The following TNRC6C variants were observed in gnomAD, a reference collection of about 807,000 sequenced individuals.
The protein encoded by TNRC6C is trinucleotide repeat-containing gene 6C protein.
TNRC6C carries 20 observed loss-of-function variants against 153.7 expected under a neutral mutation model. The ratio of observed to expected loss-of-function variants is 0.13; its 90% CI spans 0.09 to 0.19. The LOEUF (loss-of-function observed/expected upper bound fraction) is 0.19. TNRC6C is among the 10% of genes least tolerant of loss of function. TNRC6C has a pLI of 1.00. For synonymous variants in TNRC6C, 811 were observed against 841.4 expected (o/e 0.96, Z 0.63); for missense variants, 1,987 against 2,172.0 (o/e 0.91, Z 1.69).
exon 20 of TNRC6C, chr17:78,107,392 G>A (rs909554326): frequency 4.6e-5 from 7 of 152,236 alleles, no homozygotes; most frequent in African/African-American, 9.6e-5. Context: ...AACATGCATC[G>A]AAAGTTGCTT....
At chr17:78,051,147 G>C in exon 3 of TNRC6C, 3 of 1,575,180 alleles carry the variant, frequency 1.9e-6, no homozygotes, top group Non-Finnish European at 2.6e-6. Context: ...GGATCGGGGG[G>C]CCGGTACCGG....
At chr17:78,010,805 CA>C (rs66652880) in intron 1 of TNRC6C, among the ~76,000 whole-genome samples, 2,327 of 150,876 alleles carry the variant, frequency 0.015, 71 homozygotes, top group African/African-American at 0.054. Context: ...TCCATGGAAA[CA>C]AAAAAAATAT....
chr17:78,082,587 A>T (rs142318484), intron 10 of TNRC6C, among the ~76,000 whole-genome samples: 38 of 152,340 alleles, frequency 2.5e-4, no homozygotes, highest in African/African-American at 8.9e-4. Flanking sequence ...GTATGCCTTA[A>T]CCCTAAAGAG....
chr17:78,062,225 A>C (rs2072783431), intron 3 of TNRC6C, among the ~76,000 whole-genome samples: 1 of 152,172 alleles, frequency 6.6e-6, no homozygotes, highest in Admixed American at 6.5e-5. Context: ...ACTGGTTAGG[A>C]CTAACTCCCC....
chr17:78,022,278 T>G (rs76043408), intron 1 of TNRC6C, among the ~76,000 whole-genome samples: 1 of 152,332 alleles, frequency 6.6e-6, no homozygotes, highest in African/African-American at 2.4e-5. Flanking sequence ...GAGTCTGTCT[T>G]AGATATAAGA....
chr17:78,080,688 C>T (rs2073164544), intron 10 of TNRC6C, among the ~76,000 whole-genome samples: 1 of 152,102 alleles, frequency 6.6e-6, no homozygotes, highest in African/African-American at 2.4e-5. Context: ...TAACTCAGGG[C>T]TCTAGTTGAT....
chr17:78,080,969 A>G (rs559476500), intron 10 of TNRC6C, among the ~76,000 whole-genome samples: 1 of 152,284 alleles, frequency 6.6e-6, no homozygotes, highest in African/African-American at 2.4e-5. Context: ...GTCTTAGTCC[A>G]TTTGGGCTGC....
At chr17:78,001,357 C>T (rs954736436), upstream of TNRC6C, among the ~76,000 whole-genome samples, 54 of 152,292 alleles carry the variant, frequency 3.5e-4, no homozygotes, top group Admixed American at 9.8e-4. Context: ...ACCTAGTTGC[C>T]GTTGCTACTG....
At position 78,103,858 on chromosome 17, in the gene TNRC6C, G is replaced by A. The variant is rs529571155; in HGVS notation, c.4712+305G>A. 2.6e-5 allele frequency among the ~76,000 whole-genome samples: 4 copies of A among 152,326 alleles called. No individual in the cohort carries two copies. In the South Asian group the frequency reaches 8.3e-4, roughly 32 times the overall value. ...TAAGGACACCAGTCCTGTTGGACTA[G>A]GGCCTACCCATGTGACCTCATCTAA... On this transcript the variant is annotated intron_variant, in intron 19 of 19. Transcript: ENST00000301624.
intron 1 of TNRC6C, among the ~76,000 whole-genome samples, chr17:77,995,731 C>A (rs1567905835): frequency 1.3e-5 from 2 of 152,198 alleles, no homozygotes; most frequent in Non-Finnish European, 2.9e-5. Context: ...TACACACACA[C>A]ACACACACGT....
chr17:78,093,187 G>T, intron 15 of TNRC6C, 63 bp downstream of exon 17: 1 of 1,534,120 alleles, frequency 6.5e-7, no homozygotes. Context: ...AGCCTGCAGA[G>T]AGTGATTAGG....
At chr17:77,993,029 G>A (rs143953348) in intron 1 of TNRC6C, among the ~76,000 whole-genome samples, 185 of 152,098 alleles carry the variant, frequency 1.2e-3, no homozygotes, top group African/African-American at 4.4e-3. Flanking sequence ...GCAGTGGCAC[G>A]AACTTGGCTC....
chr17:78,079,473 C>A lies in TNRC6C; in HGVS notation c.3289C>A (p.Pro1097Thr), dbSNP rs1056702116. ...GACCATGCAGCAGCCGCCACAGCCA[C>A]CAGTGCAGCCTCTTAACTCTTCCCA... The change falls in exon 10 of 20, where the codon CCA becomes ACA. Residue 1097 changes from proline (P) to threonine (T), a missense_variant. Around this residue, in one of 4 missense-constraint regions of TNRC6C, gnomAD observed 765 missense variants for 908.6 expected, o/e 0.84. Transcript: ENST00000301624. This position sits in a 1 kb window ranked among gnomAD's most constrained non-coding sequence, Gnocchi z 4.3. 6.2e-7 allele frequency: 1 copy of A among 1,613,924 alleles called. No homozygotes were observed. The highest frequency in any genetic ancestry group is 2.2e-5 in the East Asian group (1 of 44,868).
At position 78,075,172 on chromosome 17, in the gene TNRC6C, G is replaced by T; in HGVS notation, c.2954G>T (p.Arg985Leu). The stretch of plus-strand genomic sequence containing the variant: ...GAAAAGAAGGTGGACGTGGACAAGC[G>T]TGGGCTGGGAGTGACCGACCATAAT... The change falls in exon 8 of 20, where the codon CGT becomes CTT. Residue 985 changes from arginine (R) to leucine (L), a missense_variant. Physicochemically the swap from Arg to Leu is moderately radical, Grantham distance 102. Coordinates refer to ENST00000301624, the Ensembl canonical transcript of TNRC6C. The surrounding 1 kb of genome is among the most constrained non-coding windows in gnomAD (Gnocchi z 4.2). 6.2e-7 allele frequency: 1 copy of T among 1,612,922 alleles called. No individual in the cohort carries two copies. Among genetic ancestry groups the T allele is most frequent in the Non-Finnish European group, 8.5e-7 (1 of 1,179,430 alleles).
In TNRC6C at chr17:78,072,895, C is replaced by T. The variant is rs919895095; in HGVS notation, c.2860-142C>T. ...GTATTTTTAATTCAAAAGACATTGT[C>T]TCTAACCTCAACAGTGAAGAAATGT... On this transcript the variant is annotated intron_variant, in intron 6 of 19. Coordinates refer to ENST00000301624, the Ensembl canonical transcript of TNRC6C. 10 of 570,758 alleles carry T rather than the reference C, an allele frequency of 1.8e-5. No homozygotes were observed. In the East Asian group the frequency reaches 2.7e-4, roughly 15 times the overall value. The allele number at this position is 570,758 out of a possible 1,614,324, so 35.4% of individuals were successfully genotyped here. A position where few individuals can be genotyped will look rare whatever the true frequency, so the allele number is the denominator to read the frequency against.
chr17:77,969,597 T>A (rs1377136612), intron 1 of TNRC6C, among the ~76,000 whole-genome samples: 1 of 152,098 alleles, frequency 6.6e-6, no homozygotes, highest in African/African-American at 2.4e-5. Flanking sequence ...ACCTCAAATT[T>A]GATCTGTGGC....
chr17:77,968,918 T>C (rs2070919859), intron 1 of TNRC6C, among the ~76,000 whole-genome samples: 1 of 152,088 alleles, frequency 6.6e-6, no homozygotes, highest in Non-Finnish European at 1.5e-5. Context: ...CACTTGAGAG[T>C]TGGGAGTAGA....
intron 1 of TNRC6C, among the ~76,000 whole-genome samples, chr17:78,029,309 AC>A (rs2072011464): frequency 6.6e-6 from 1 of 152,242 alleles, no homozygotes; most frequent in African/African-American, 2.4e-5. Flanking sequence ...CCCAGATGGT[AC>A]AGGTTGCTAC....
intron 17 of TNRC6C, 78 bp downstream of exon 20, chr17:78,098,615 C>T (rs2144625423): frequency 2.1e-6 from 3 of 1,462,926 alleles, no homozygotes; most frequent in African/African-American, 2.8e-5. Flanking sequence ...CCTGTACCTC[C>T]TTTGTAAGGA....
Sources: gnomAD v4.1 joint callset for allele counts (sites outside exome capture counted in the v4.1 genomes callset) on GRCh38, gnomAD v4.1.1 for gene constraint, gnomAD v4.1.1 regional missense constraint, Gnocchi (gnomAD v3.1) non-coding constraint, MANE v1.5 for transcripts, NCBI Gene and HGNC (gene_info 2026-07-23, HGNC 2026-07-21) for gene names.